Variants in COL3A1 observed in about 807,000 individuals in gnomAD.
COL3A1 encodes the protein collagen type III alpha 1 chain.
Under a neutral mutation model 200.9 loss-of-function variants are expected in COL3A1, and 46 were observed. The ratio of observed to expected loss-of-function variants is 0.23; its 90% CI spans 0.18 to 0.29. COL3A1 has a LOEUF of 0.29. COL3A1 is among the 10% of genes least tolerant of loss of function. The pLI, the probability that COL3A1 is intolerant of heterozygous loss-of-function variation, is 1.00. For synonymous variants in COL3A1, 650 were observed against 628.0 expected (o/e 1.03, Z -0.52); for missense variants, 1,367 against 1,917.6 (o/e 0.71, Z 5.36).
intron 49 of COL3A1, 116 bp downstream of exon 49, chr2:189,010,481 GC>G: frequency 3.4e-6 from 5 of 1,481,958 alleles, no homozygotes; most frequent in Non-Finnish European, 4.7e-6. Context: ...TGCAGTTTTT[GC>G]TACTGAAAGT....
At chr2:189,011,119 A>T (rs757836818) in intron 50 of COL3A1, among the ~76,000 whole-genome samples, 3 of 152,248 alleles carry the variant, frequency 2.0e-5, no homozygotes, top group African/African-American at 7.2e-5. Context: ...TTTAAAATTT[A>T]AATCCATAAT....
At chr2:188,997,810 C>A in intron 27 of COL3A1, 57 bp downstream of exon 27, 1 of 1,444,778 alleles carries the variant, frequency 6.9e-7, no homozygotes, top group Non-Finnish European at 9.7e-7. Context: ...TTTTTTGTGT[C>A]CCTAATAGAT....
intron 1 of COL3A1, among the ~76,000 whole-genome samples, chr2:188,983,263 G>A (rs895161938): frequency 5.9e-5 from 9 of 151,818 alleles, no homozygotes; most frequent in East Asian, 1.9e-4. Flanking sequence ...GCTTTCCTTC[G>A]TTAGCTGTAA....
rs1298049577 is a variant in COL3A1, at chr2:189,008,296, T to C, written c.3525+154T>C. 4.1e-6 allele frequency: 3 copies of C among 724,420 alleles called. No homozygotes were observed. In the African/African-American group the frequency reaches 5.3e-5, roughly 13 times the overall value. 44.9% of individuals were successfully genotyped at this position (724,420 alleles called of 1,614,324 possible). On this transcript the variant is annotated intron_variant, in intron 47 of 50. Coordinates refer to ENST00000304636, the MANE Select transcript of COL3A1 (RefSeq NM_000090.4). ...TGACTTTAAGACATTCTCCATCACA[T>C]TAAAAATGTTTCTACCACACTATAA...
rs587779588 is a variant in COL3A1 at position 188,992,194 on chromosome 2, G to T, written c.962G>T (p.Gly321Val). The T allele has an allele frequency of 6.2e-7, 1 of 1,613,776 alleles. No individual in the cohort carries two copies. The highest frequency in any genetic ancestry group is 1.3e-5 in the African/African-American group (1 of 74,864). ...AACTTCTCTTTTTAGGGTGCTCGGG[G>T]TAATGACGGTGCTCGAGGCAGTGAT... ...PGLPGAAGARGNDGARGSDGQ... is the reference protein window; with the variant it reads ...PGLPGAAGARVNDGARGSDGQ... The change falls in exon 14 of 51, where the codon GGT (glycine) becomes GTT (valine). Residue 321 changes from glycine to valine, a missense_variant. Physicochemically the swap from Gly to Val is moderately radical, Grantham distance 109. Around this residue, in one of 5 missense-constraint regions of COL3A1, gnomAD observed 462 missense variants for 681.4 expected, o/e 0.68. Transcript: ENST00000304636.
At chr2:188,995,909 A>G in intron 22 of COL3A1, 119 bp downstream of exon 22, 1 of 1,026,388 alleles carries the variant, frequency 9.7e-7, no homozygotes. Context: ...AAGGCACCAA[A>G]CAAAACAAAA....
chr2:188,976,140 GACT>G (rs1687808086), intron 1 of COL3A1, among the ~76,000 whole-genome samples: 1 of 151,782 alleles, frequency 6.6e-6, no homozygotes, highest in African/African-American at 2.4e-5. Context: ...GATACCAAAT[GACT>G]ACTATCCCCC....
chr2:188,985,081 A>C (rs1259505633), intron 2 of COL3A1, 116 bp from the exon 3 acceptor site: 3 of 1,409,130 alleles, frequency 2.1e-6, no homozygotes, highest in Non-Finnish European at 3.0e-6. Flanking sequence ...CCATGTTTGT[A>C]TTACGAGTAA....
chr2:188,985,679 T>A lies in COL3A1; in HGVS notation c.348T>A (p.Ile116=). The change falls in exon 4 of 51, where the codon ATT becomes ATA. Residue 116 remains isoleucine, a synonymous_variant. Coordinates refer to ENST00000304636, the MANE Select transcript of COL3A1 (RefSeq NM_000090.4). ...CTCTTTTTTAGGGCCCTCCTGGTAT[T>A]CCTGGGAGAAATGGTGACCCTGGTA... ...GPKGDPGPPG[I]PGRNGDPGIP... The A allele has an allele frequency of 6.2e-7, 1 of 1,609,826 alleles. No homozygotes were observed. The highest frequency in any genetic ancestry group is 8.5e-7 in the Non-Finnish European group (1 of 1,178,094).
rs1232883947 is a variant in COL3A1, at chr2:188,994,011, T to C, written c.1150-27T>C. 6.2e-7 allele frequency: 1 copy of C among 1,606,108 alleles called. No individual in the cohort carries two copies. The highest frequency in any genetic ancestry group is 8.5e-7 in the Non-Finnish European group (1 of 1,172,946). Reference sequence around the variant, plus strand: ...TACGAACTATTTGCATTACTATTAATACATTATCTGTTTTTTGTATACTTA... The same window carrying C: ...TACGAACTATTTGCATTACTATTAACACATTATCTGTTTTTTGTATACTTA... On this transcript the variant is annotated intron_variant, in intron 16 of 50. Coordinates refer to ENST00000304636, the MANE Select transcript of COL3A1 (RefSeq NM_000090.4). The surrounding 1 kb of genome is among the most constrained non-coding windows in gnomAD (Gnocchi z 4.5).
intron 34 of COL3A1, 127 bp downstream of exon 34, chr2:189,001,716 A>G: frequency 1.1e-6 from 1 of 930,230 alleles, no homozygotes; most frequent in East Asian, 2.5e-5. Context: ...ATCTTCAAAA[A>G]CCATATAAGG....
In COL3A1 at chr2:188,990,217, G is replaced by T. The variant is rs756352181; in HGVS notation, c.744+68G>T. ...CTTGAAAACTATTATGTAATTCAAT[G>T]GAATTAAACTTAAAAACAGAAAGTG... On this transcript the variant is annotated intron_variant, in intron 9 of 50. Transcript: ENST00000304636. 3.2e-6 allele frequency: 5 copies of T among 1,578,420 alleles called. No homozygotes were observed. The East Asian group carries it at 1.1e-4, about 35-fold the overall frequency.
In COL3A1 at chr2:188,996,447, C is replaced by T; in HGVS notation, c.1712C>T (p.Pro571Leu). The T allele has an allele frequency of 1.2e-6, 2 of 1,613,772 alleles. No individual in the cohort carries two copies. The highest frequency in any genetic ancestry group is 1.3e-5 in the African/African-American group (1 of 74,948). The change falls in exon 24 of 51, where the codon CCC becomes CTC. Residue 571 changes from proline to leucine, a missense_variant. By Grantham distance (98) the Pro-to-Leu change is moderately conservative (BLOSUM62 -3). Coordinates refer to ENST00000304636, the MANE Select transcript of COL3A1 (RefSeq NM_000090.4). The stretch of plus-strand genomic sequence containing the variant: ...CCAGGTCCTCCTGGGCCATCTGGTC[C>T]CCGAGGTCAGCCTGGTGTCATGGGC... ...GRPGPPGPSGPRGQPGVMGFP... is the reference protein window; with the variant it reads ...GRPGPPGPSGLRGQPGVMGFP...
intron 35 of COL3A1, 117 bp downstream of exon 35, chr2:189,002,468 A>C (rs531373583): frequency 2.5e-5 from 22 of 883,048 alleles, no homozygotes; most frequent in Non-Finnish European, 3.9e-5. Flanking sequence ...CTCATTCCCT[A>C]TAGGATTATT....
rs1688178759 is a variant in COL3A1, at chr2:188,991,051, A to C, written c.846A>C (p.Gly282=). 6.2e-7 allele frequency: 1 copy of C among 1,612,950 alleles called. No homozygotes were observed. The highest frequency in any genetic ancestry group is 1.1e-5 in the South Asian group (1 of 90,962). The part of the protein sequence containing the change: ...NGEKGETGAP[G]LKGENGLPGE... The stretch of plus-strand genomic sequence containing the variant: ...AAAAGGGTGAAACAGGTGCTCCTGG[A>C]TTAAAGGTAAATCACAACAAAAATC... Residue 282 remains glycine (G), a synonymous_variant, in exon 11 of 51, where the codon GGA becomes GGC. Coordinates refer to ENST00000304636, the MANE Select transcript of COL3A1 (RefSeq NM_000090.4).
At position 188,994,414 on chromosome 2, in the gene COL3A1, C is replaced by T; in HGVS notation, c.1293+82C>T. ...AAAAAATTAATAGCAAAATTTTGCTCCTGTTCAGTTGAATTTATATTGACT... is the reference window on the plus strand; with the variant it reads ...AAAAAATTAATAGCAAAATTTTGCTTCTGTTCAGTTGAATTTATATTGACT... On this transcript the variant is annotated intron_variant, in intron 18 of 50. Transcript: ENST00000304636. This position sits in a 1 kb window ranked among gnomAD's most constrained non-coding sequence, Gnocchi z 4.5. The T allele has an allele frequency of 6.3e-7, 1 of 1,583,004 alleles. No individual in the cohort carries two copies. The highest frequency in any genetic ancestry group is 8.7e-7 in the Non-Finnish European group (1 of 1,153,778).
In COL3A1 at chr2:188,999,325, T is replaced by C; in HGVS notation, c.2063T>C (p.Leu688Ser). The change falls in exon 30 of 51, where the codon TTG becomes TCG. Residue 688 changes from leucine to serine, a missense_variant. Leu to Ser is a moderately radical substitution (Grantham distance 145). Transcript: ENST00000304636. ...GAPGERGPPG[L>S]AGAPGLRGGA... ...CCTGGTGAACGTGGACCTCCTGGAT[T>C]GGCAGGGGCCCCAGGACTTAGAGGT... 3.1e-6 allele frequency: 5 copies of C among 1,591,450 alleles called. No individual in the cohort carries two copies. Among genetic ancestry groups the C allele is most frequent in the Non-Finnish European group, 4.3e-6 (5 of 1,168,220 alleles).
Position 189,005,402 on chromosome 2 carries a change from C to T in COL3A1, c.2984C>T (p.Pro995Leu), listed in dbSNP as rs936377835. The T allele has an allele frequency of 1.9e-6, 3 of 1,613,984 alleles. No homozygotes were observed. Among genetic ancestry groups the T allele is most frequent in the African/African-American group, 1.3e-5 (1 of 74,930 alleles). ...ANGLSGERGPPGPQGLPGLAG... is the reference protein window; with the variant it reads ...ANGLSGERGPLGPQGLPGLAG... ...GGTCTCAGTGGAGAACGTGGTCCCC[C>T]TGGACCCCAGGGTCTTCCTGGTCTG... The change falls in exon 41 of 51, where the codon CCT becomes CTT. Residue 995 changes from proline (P) to leucine (L), a missense_variant. This residue lies in a region of COL3A1 where 846 missense variants were observed against 1,147.9 expected (regional missense o/e 0.74). Transcript: ENST00000304636.
Position 188,993,369 on chromosome 2 carries a change from T to A in COL3A1, c.1059T>A (p.Val353=). ...CAAGGTTTTACCATTAGGGTGAAGT[T>A]GGACCTGCAGGGTCTCCTGGTTCAA... ...FPGSPGAKGE[V]GPAGSPGSNG... The change falls in exon 16 of 51, where the codon GTT becomes GTA. Residue 353 remains valine, a synonymous_variant. Coordinates refer to ENST00000304636, the MANE Select transcript of COL3A1 (RefSeq NM_000090.4). 6.4e-7 allele frequency: 1 copy of A among 1,569,406 alleles called. No homozygotes were observed. The highest frequency in any genetic ancestry group is 8.7e-7 in the Non-Finnish European group (1 of 1,155,924).
Sources: allele counts gnomAD v4.1 joint callset (sites outside exome capture counted in the v4.1 genomes callset), GRCh38; gene constraint gnomAD v4.1.1; regional missense constraint gnomAD v4.1.1; non-coding constraint Gnocchi (gnomAD v3.1); transcripts MANE v1.5; gene names NCBI Gene and HGNC (gene_info 2026-07-23, HGNC 2026-07-21).